The following KIAA0586 variants were observed in gnomAD, a reference collection of about 807,000 sequenced individuals.
The protein encoded by KIAA0586 is protein TALPID3.
In KIAA0586, 144 loss-of-function variants were observed where a neutral mutation model predicts 169.8. The observed-to-expected ratio is 0.85, with a 90% confidence interval of 0.74 to 0.97. The LOEUF (loss-of-function observed/expected upper bound fraction) is 0.97. Ranked by LOEUF, KIAA0586 falls within the 50% of genes least tolerant of loss-of-function variation. KIAA0586 has a pLI of 0.00. For synonymous variants in KIAA0586, 625 were observed against 612.4 expected (o/e 1.02, Z -0.30); for missense variants, 1,854 against 1,823.0 (o/e 1.02, Z -0.31).
intron 26 of KIAA0586, among the ~76,000 whole-genome samples, chr14:58,494,664 C>T (rs1251998538): frequency 6.6e-6 from 1 of 152,030 alleles, no homozygotes; most frequent in African/African-American, 2.4e-5. Context: ...ATATGGCTCT[C>T]CTGGTGATTA....
In KIAA0586 at chr14:58,467,868, A is replaced by C; in HGVS notation, c.2388A>C (p.Ile796=). Residue 796 remains isoleucine (I), a synonymous_variant, in exon 16 of 31, where the codon ATA becomes ATC. Transcript: ENST00000652326. ...KVETGVKKPN[I]AIVEMKSEKK... ...AAACTGGAGTAAAGAAACCTAACAT[A>C]GCCATTGTAGAAATGAAGTCAGAAA... is the stretch of plus-strand genomic sequence containing the variant. The C allele has an allele frequency of 6.2e-7, 1 of 1,613,848 alleles. No individual in the cohort carries two copies. The highest frequency in any genetic ancestry group is 8.5e-7 in the Non-Finnish European group (1 of 1,179,776).
At chr14:58,470,323 T>G (rs1884601258) in intron 16 of KIAA0586, among the ~76,000 whole-genome samples, 1 of 152,056 alleles carries the variant, frequency 6.6e-6, no homozygotes, top group African/African-American at 2.4e-5. Context: ...CTATTTTAAA[T>G]TTTAGTTATG....
chr14:58,446,805 C>T (rs994385886), intron 6 of KIAA0586, among the ~76,000 whole-genome samples: 16 of 151,998 alleles, frequency 1.1e-4, no homozygotes, highest in African/African-American at 3.9e-4. Context: ...TAAAATTGAG[C>T]ACGCAGCAAA....
At chr14:58,445,795 T>TTTC (rs1349459161) in intron 6 of KIAA0586, among the ~76,000 whole-genome samples, 3 of 151,360 alleles carry the variant, frequency 2.0e-5, no homozygotes, top group Admixed American at 6.6e-5. Context: ...TTTTTTTTTT[T>TTTC]TTTTTTGAGT....
chr14:58,507,146 C>CT (rs1251208494), intron 27 of KIAA0586, among the ~76,000 whole-genome samples: 5 of 90,962 alleles, frequency 5.5e-5, no homozygotes, highest in Non-Finnish European at 1.0e-4. Flanking sequence ...GAGACTCTGT[C>CT]TTTAAAAAAA....
chr14:58,433,956 G>A (rs553144689), intron 4 of KIAA0586, among the ~76,000 whole-genome samples: 38 of 152,198 alleles, frequency 2.5e-4, no homozygotes, highest in African/African-American at 8.7e-4. Flanking sequence ...CCATGTTCAT[G>A]CCACTGCACT....
At position 58,456,777 on chromosome 14, in the gene KIAA0586, C is replaced by T. The variant is rs779178184; in HGVS notation, c.1329C>T (p.Gly443=). 35 of 1,600,688 alleles carry T rather than the reference C, an allele frequency of 2.2e-5. No homozygotes were observed. Among genetic ancestry groups the T allele is most frequent in the Non-Finnish European group, 2.8e-5 (33 of 1,172,478 alleles). Residue 443 remains glycine, a synonymous_variant, in exon 10 of 31, where the codon GGC becomes GGT. Coordinates refer to ENST00000652326, the MANE Select transcript of KIAA0586 (RefSeq NM_001329943.3). ...CTGATGATGTTCTTCATGACCTTGGCCAAAAAGAGAAAGAAACAAATAGCA... is the reference window on the plus strand; with the variant it reads ...CTGATGATGTTCTTCATGACCTTGGTCAAAAAGAGAAAGAAACAAATAGCA... ...QKSDDVLHDL[G]QKEKETNSMV... is the part of the protein sequence containing the mutation.
rs1037470839 is a variant in KIAA0586, at chr14:58,482,530, G to A, written c.2962G>A (p.Gly988Ser). The A allele has an allele frequency of 3.9e-6, 6 of 1,539,398 alleles. No individual in the cohort carries two copies. Among genetic ancestry groups the A allele is most frequent in the Non-Finnish European group, 4.4e-6 (5 of 1,139,536 alleles). The change falls in exon 21 of 31, where the codon GGC (glycine) becomes AGC (serine). Residue 988 changes from glycine (G) to serine (S), a missense_variant. Gly to Ser is a moderately conservative substitution (Grantham distance 56, BLOSUM62 0). Coordinates refer to ENST00000652326, the MANE Select transcript of KIAA0586 (RefSeq NM_001329943.3). ...ACTTTTAGTGGAAGGAACAAGCAGT[G>A]GCGCCCTCCAGCTTTTTGTTGATGC... ...TSDIVEGTSSGALQLFVDAGV... is the reference protein window; with the variant it reads ...TSDIVEGTSSSALQLFVDAGV...
downstream of KIAA0586, among the ~76,000 whole-genome samples, chr14:58,553,073 C>T (rs115237209): frequency 7.9e-3 from 1,201 of 152,210 alleles, 18 homozygotes; most frequent in African/African-American, 0.027. Context: ...AATAGTCGGA[C>T]GGGTTATAAA....
At chr14:58,527,675 C>G (rs1379306756) in intron 29 of KIAA0586, among the ~76,000 whole-genome samples, 1 of 152,164 alleles carries the variant, frequency 6.6e-6, no homozygotes, top group Non-Finnish European at 1.5e-5. Flanking sequence ...TTGTCACCAC[C>G]AGGCTTGCCT....
At chr14:58,477,875 C>A (rs1001660412) in intron 20 of KIAA0586, among the ~76,000 whole-genome samples, 1 of 151,540 alleles carries the variant, frequency 6.6e-6, no homozygotes, top group African/African-American at 2.4e-5. Flanking sequence ...GCTCTTCTCC[C>A]CATTCTCTTC....
chr14:58,435,874 A>AT (rs2037781146), intron 4 of KIAA0586, among the ~76,000 whole-genome samples: 1 of 151,864 alleles, frequency 6.6e-6, no homozygotes, highest in Non-Finnish European at 1.5e-5. Context: ...TGCCCGGCTG[A>AT]TTTTTTGTAT....
chr14:58,509,968 C>T (rs559160427), intron 28 of KIAA0586, among the ~76,000 whole-genome samples: 30 of 152,266 alleles, frequency 2.0e-4, no homozygotes, highest in East Asian at 1.2e-3. Context: ...ATATAAGGAG[C>T]TCACATAACT....
chr14:58,537,679 G>A (rs763389857), intron 29 of KIAA0586, among the ~76,000 whole-genome samples: 31 of 151,390 alleles, frequency 2.0e-4, no homozygotes, highest in Non-Finnish European at 4.1e-4. Context: ...ACGGAGACTC[G>A]CTCTGTCACC....
intron 26 of KIAA0586, among the ~76,000 whole-genome samples, chr14:58,494,015 A>G (rs1226891660): frequency 1.3e-5 from 2 of 152,290 alleles, no homozygotes; most frequent in East Asian, 3.9e-4. Flanking sequence ...TTTGGAAATC[A>G]CTAATATCAG....
intron 18 of KIAA0586, among the ~76,000 whole-genome samples, chr14:58,473,334 G>A (rs777498460): frequency 2.0e-4 from 31 of 151,978 alleles, no homozygotes; most frequent in African/African-American, 6.8e-4. Context: ...GCTGGGGAGC[G>A]GATAAATGCA....
At chr14:58,500,859 C>T (rs962628431) in intron 27 of KIAA0586, among the ~76,000 whole-genome samples, 1 of 151,920 alleles carries the variant, frequency 6.6e-6, no homozygotes, top group African/African-American at 2.4e-5. Flanking sequence ...CACTTGTTTA[C>T]AGTATGAGAG....
intron 20 of KIAA0586, among the ~76,000 whole-genome samples, chr14:58,480,055 T>G (rs966751107): frequency 2.6e-5 from 4 of 152,108 alleles, no homozygotes; most frequent in Non-Finnish European, 2.9e-5. Flanking sequence ...CTATTCTTTC[T>G]CCCTCATAGA....
At chr14:58,463,576 C>T (rs1198932417) in intron 14 of KIAA0586, among the ~76,000 whole-genome samples, 1 of 152,184 alleles carries the variant, frequency 6.6e-6, no homozygotes, top group Non-Finnish European at 1.5e-5. Flanking sequence ...CACAGTGGCT[C>T]ATGCCTGTAA....
Sources: allele counts gnomAD v4.1 joint callset (sites outside exome capture counted in the v4.1 genomes callset), GRCh38; gene constraint gnomAD v4.1.1; transcripts MANE v1.5; gene names NCBI Gene and HGNC (gene_info 2026-07-23, HGNC 2026-07-21).